The following ALDH3B2 variants were observed in gnomAD, a reference collection of about 807,000 sequenced individuals.
The protein encoded by ALDH3B2 is aldehyde dehydrogenase 3 family member B2, also known as aldehyde dehydrogenase family 3 member B2.
Under a neutral mutation model 36.7 loss-of-function variants are expected in ALDH3B2, and 45 were observed. The observed-to-expected ratio is 1.23, with a 90% CI of 0.97 to 1.57. The LOEUF (loss-of-function observed/expected upper bound fraction) is 1.57, where lower values mean the gene tolerates loss of function less well. Ranked by LOEUF, ALDH3B2 falls within the 40% of genes most tolerant of loss-of-function variation. The pLI is 0.00. For missense variants in ALDH3B2, 464 were observed against 513.3 expected (o/e 0.90, Z 0.93); for synonymous variants, 217 against 226.5 (o/e 0.96, Z 0.38).
chr11:67,677,763 T>C (rs1164498590), upstream of ALDH3B2, among the ~76,000 whole-genome samples: 2 of 152,126 alleles, frequency 1.3e-5, no homozygotes, highest in African/African-American at 2.4e-5. Flanking sequence ...AGTTTCTGGA[T>C]ACAAAATTAA....
intron 8 of ALDH3B2, chr11:67,664,081 C>G: frequency 1.8e-6 from 1 of 553,082 alleles, no homozygotes; most frequent in South Asian, 2.2e-5. Flanking sequence ...TGGGCTCTAT[C>G]AGGCCCCTGC....
chr11:67,675,669 A>C (rs1246358927), upstream of ALDH3B2, among the ~76,000 whole-genome samples: 2 of 152,208 alleles, frequency 1.3e-5, no homozygotes, highest in African/African-American at 2.4e-5. Context: ...TCGGTAGCTA[A>C]AGATGTAAAT....
At chr11:67,676,675 A>G (rs112869087), upstream of ALDH3B2, among the ~76,000 whole-genome samples, 283 of 149,644 alleles carry the variant, frequency 1.9e-3, 5 homozygotes, top group African/African-American at 6.9e-3. Flanking sequence ...TTGTTCTTTG[A>G]AAAGATAAAT....
chr11:67,664,567 G>A lies in ALDH3B2; in HGVS notation c.707-5C>T, dbSNP rs1391026851. 2.5e-5 allele frequency: 40 copies of A among 1,612,730 alleles called. No homozygotes were observed. Among genetic ancestry groups the A allele is most frequent in the Middle Eastern group, 1.9e-4 (1 of 5,326 alleles). On this transcript the variant is annotated splice_polypyrimidine_tract_variant and splice_region_variant and intron_variant, in intron 7 of 9. Coordinates refer to ENST00000349015, the Ensembl canonical transcript of ALDH3B2. ...CGTCCACCAGCACCGTGGGGGCTGC[G>A]GGCACCAGAGACGGCTCAGCCCTGG...
exon 10 of ALDH3B2, chr11:67,663,022 G>A (rs921106990): frequency 1.7e-5 from 12 of 704,086 alleles, no homozygotes; most frequent in Middle Eastern, 3.9e-4. Flanking sequence ...GGCCTCTCTC[G>A]AGCAGCGTCC....
intron 1 of ALDH3B2, among the ~76,000 whole-genome samples, chr11:67,669,421 T>A (rs1351260767): frequency 1.3e-5 from 2 of 150,240 alleles, no homozygotes; most frequent in African/African-American, 2.5e-5. Flanking sequence ...GCTGTATGTG[T>A]GTGGGTGTGT....
At chr11:67,679,457 C>T (rs12272679), upstream of ALDH3B2, among the ~76,000 whole-genome samples, 6,534 of 149,932 alleles carry the variant, frequency 0.044, 444 homozygotes, top group African/African-American at 0.14. Context: ...GGTGAAAGAG[C>T]GAGACTCCAT....
intron 1 of ALDH3B2, among the ~76,000 whole-genome samples, chr11:67,669,644 CCATG>C (rs1364725969): frequency 7.4e-6 from 1 of 135,610 alleles, no homozygotes; most frequent in African/African-American, 2.8e-5. Context: ...GTGTGTGTGT[CCATG>C]TGTGTCTATG....
At chr11:67,679,193 T>G (rs1856324168), upstream of ALDH3B2, among the ~76,000 whole-genome samples, 1 of 151,990 alleles carries the variant, frequency 6.6e-6, no homozygotes, top group South Asian at 2.1e-4. Flanking sequence ...AGGGGCCAGG[T>G]GCAGTGGCTC....
At position 67,666,927 on chromosome 11, in the gene ALDH3B2, A is replaced by ATCCT; in HGVS notation, c.5_8dup (p.Asp3GlufsTer3). The ATCCT allele has an allele frequency of 6.2e-7, 1 of 1,614,178 alleles. No individual in the cohort carries two copies. Among genetic ancestry groups the ATCCT allele is most frequent in the African/African-American group, 1.3e-5 (1 of 75,052 alleles). On this transcript the variant is annotated frameshift_variant, in exon 3 of 10. Coordinates refer to ENST00000349015, the Ensembl canonical transcript of ALDH3B2. LOFTEE classifies it high-confidence loss of function. ...TCACCAGGTTCGTGGACCGTGGTTCATCCTTCATCCAGGCCTGCAGGTTCT... is the reference window on the plus strand; with the variant it reads ...TCACCAGGTTCGTGGACCGTGGTTCATCCTTCCTTCATCCAGGCCTGCAGGTTCT...
At position 67,667,542 on chromosome 11, in the gene ALDH3B2, C is replaced by A. The variant is rs779500784; in HGVS notation, c.-151G>T. On this transcript the variant is annotated 5_prime_UTR_variant, in exon 2 of 10. It adds an upstream start codon to the 5' untranslated region. Coordinates refer to ENST00000349015, the Ensembl canonical transcript of ALDH3B2. ...TTTCTTGAAGGAAGTGGCCCAGGCC[C>A]TGGAGCTGCGCAGCCCGGAACTCGG... 30 of 385,594 alleles carry A rather than the reference C, an allele frequency of 7.8e-5. No individual in the cohort carries two copies. Among genetic ancestry groups the A allele is most frequent in the Non-Finnish European group, 1.3e-4 (28 of 213,410 alleles). 23.9% of individuals were successfully genotyped at this position (385,594 alleles called of 1,614,324 possible). A position where few individuals can be genotyped will look rare whatever the true frequency, so the allele number is the denominator to read the frequency against.
intron 1 of ALDH3B2, among the ~76,000 whole-genome samples, chr11:67,671,540 TCC>T (rs56238526): frequency 0.82 from 118,804 of 145,000 alleles, 50,183 homozygotes; most frequent in South Asian, 0.95. Context: ...CCAACCTGCC[TCC>T]CCCCCCTTTT....
intron 7 of ALDH3B2, among the ~76,000 whole-genome samples, chr11:67,665,023 A>G (rs990983473): frequency 5.3e-5 from 8 of 152,114 alleles, no homozygotes; most frequent in Non-Finnish European, 8.8e-5. Flanking sequence ...TGGGATGGGA[A>G]TTCACCTTAG....
upstream of ALDH3B2, among the ~76,000 whole-genome samples, chr11:67,679,181 T>A (rs1438419392): frequency 6.6e-6 from 1 of 151,818 alleles, no homozygotes; most frequent in Non-Finnish European, 1.5e-5. Context: ...GGAAAAAAAA[T>A]CAGGGGCCAG....
At chr11:67,665,998 G>A in intron 6 of ALDH3B2, 124 bp downstream of exon 6, 1 of 1,287,660 alleles carries the variant, frequency 7.8e-7, no homozygotes, top group Non-Finnish European at 1.1e-6. Flanking sequence ...GACGGACTCT[G>A]TGCCAGCTCC....
upstream of ALDH3B2, among the ~76,000 whole-genome samples, chr11:67,679,495 C>A (rs1856330747): frequency 6.7e-6 from 1 of 150,336 alleles, no homozygotes. Flanking sequence ...AGAAAAAAAA[C>A]AAAGCCAGGC....
At chr11:67,666,745 C>T in intron 3 of ALDH3B2, 51 bp from the exon 4 acceptor site, 1 of 1,610,606 alleles carries the variant, frequency 6.2e-7, no homozygotes, top group Non-Finnish European at 8.5e-7. Context: ...CCCCAAAGCC[C>T]ACCCACTGCA....
intron 1 of ALDH3B2, among the ~76,000 whole-genome samples, chr11:67,673,489 C>A (rs1462001747): frequency 1.3e-5 from 2 of 152,226 alleles, no homozygotes; most frequent in African/African-American, 4.8e-5. Context: ...AGGGGAGGGC[C>A]TCTTGGAGGG....
chr11:67,664,646 G>C, intron 7 of ALDH3B2, 84 bp from the exon 8 acceptor site: 1 of 1,539,190 alleles, frequency 6.5e-7, no homozygotes, highest in Non-Finnish European at 8.7e-7. Flanking sequence ...ACAGGGGCAT[G>C]GGCCAGGGCT....
Sources: allele counts gnomAD v4.1 joint callset (sites outside exome capture counted in the v4.1 genomes callset), GRCh38; gene constraint gnomAD v4.1.1; transcripts MANE v1.5; gene names NCBI Gene and HGNC (gene_info 2026-07-23, HGNC 2026-07-21).